The following MSRA variants were observed in gnomAD, a reference collection of about 807,000 sequenced individuals.
The protein encoded by MSRA is mitochondrial peptide methionine sulfoxide reductase.
MSRA carries 54 observed loss-of-function variants against 31.3 expected under a neutral mutation model. The ratio of observed to expected loss-of-function variants is 1.73; its 90% CI spans 1.39 to 2.17. MSRA has a LOEUF of 2.17. MSRA is among the 30% of genes most tolerant of loss of function. The pLI is 0.00. For synonymous variants in MSRA, 169 were observed against 116.5 expected (o/e 1.45, Z -2.90); for missense variants, 507 against 300.9 (o/e 1.69, Z -5.07).
intron 1 of MSRA, among the ~76,000 whole-genome samples, chr8:10,087,939 A>G (rs1798652130): frequency 6.6e-6 from 1 of 152,214 alleles, no homozygotes; most frequent in African/African-American, 2.4e-5. Flanking sequence ...GTGCAAAAGT[A>G]ATTGCGGTTT....
chr8:10,063,271 GT>G (rs1333718470), intron 1 of MSRA, among the ~76,000 whole-genome samples: 1 of 152,048 alleles, frequency 6.6e-6, no homozygotes, highest in Non-Finnish European at 1.5e-5. Context: ...TTCTTCATTG[GT>G]CTCTGATCTG....
chr8:10,105,155 C>T (rs1483144220), intron 1 of MSRA, among the ~76,000 whole-genome samples: 1 of 152,104 alleles, frequency 6.6e-6, no homozygotes, highest in Non-Finnish European at 1.5e-5. Flanking sequence ...ATCATATTAA[C>T]TAATCCTTTG....
chr8:10,252,530 G>C (rs1052083993), intron 3 of MSRA, among the ~76,000 whole-genome samples: 14 of 152,196 alleles, frequency 9.2e-5, no homozygotes, highest in Admixed American at 8.5e-4. Context: ...TGACAGTAAA[G>C]AGCGCCTGCA....
chr8:10,330,881 C>G (rs1475684571), intron 5 of MSRA, among the ~76,000 whole-genome samples: 1 of 152,170 alleles, frequency 6.6e-6, no homozygotes, highest in Admixed American at 6.5e-5. Flanking sequence ...CCCCCAAATT[C>G]ATATGTTGAA....
intron 5 of MSRA, among the ~76,000 whole-genome samples, chr8:10,391,908 C>G (rs1389897686): frequency 6.6e-6 from 1 of 150,568 alleles, no homozygotes; most frequent in African/African-American, 2.4e-5. Context: ...TGAACATTTC[C>G]TGACCTATGG....
intron 1 of MSRA, among the ~76,000 whole-genome samples, chr8:10,105,242 A>C (rs1799807071): frequency 6.6e-6 from 1 of 151,810 alleles, no homozygotes; most frequent in Non-Finnish European, 1.5e-5. Context: ...TTAACTATGG[A>C]ATATGTTTGA....
At chr8:10,073,549 T>C (rs1797845392) in intron 1 of MSRA, among the ~76,000 whole-genome samples, 1 of 115,532 alleles carries the variant, frequency 8.7e-6, no homozygotes, top group African/African-American at 2.7e-5. Context: ...TTTTGAATTG[T>C]CCTTTTTTCT....
intron 1 of MSRA, among the ~76,000 whole-genome samples, chr8:10,150,363 G>T (rs554674028): frequency 1.3e-5 from 2 of 152,092 alleles, no homozygotes; most frequent in African/African-American, 4.8e-5. Flanking sequence ...TGTGCACTTC[G>T]ATGATAATTA....
Position 10,283,820 on chromosome 8 carries a change from TATATATATATATATATACACAC to T in MSRA, c.332-17712_332-17691del, listed in dbSNP as rs377287859. 5.5e-3 allele frequency among the ~76,000 whole-genome samples: 388 copies of T among 71,124 alleles called. 6 individuals are homozygous for T. The highest frequency in any genetic ancestry group is 0.018 in the African/African-American group (366 of 20,128). 46.7% of individuals were successfully genotyped at this position (71,124 alleles called of 152,430 possible). ...TCTATCTCATATATATATATATATA[TATATATATATATATATACACAC>T]ACACACACACACACACACACACACA... On this transcript the variant is annotated intron_variant, in intron 3 of 5. Coordinates refer to ENST00000317173, the MANE Select transcript of MSRA (RefSeq NM_012331.5).
chr8:10,150,215 C>A (rs949579782), intron 1 of MSRA, among the ~76,000 whole-genome samples: 1 of 152,062 alleles, frequency 6.6e-6, no homozygotes, highest in Non-Finnish European at 1.5e-5. Context: ...ATATTCTCGG[C>A]TCTTTTCAAA....
chr8:10,391,103 GACTT>G (rs1806716721), intron 5 of MSRA, among the ~76,000 whole-genome samples: 1 of 152,130 alleles, frequency 6.6e-6, no homozygotes, highest in African/African-American at 2.4e-5. Flanking sequence ...ATATTTCCCA[GACTT>G]ACTTGTCAAT....
At chr8:10,170,838 A>G (rs1032485083) in intron 1 of MSRA, among the ~76,000 whole-genome samples, 2 of 152,230 alleles carry the variant, frequency 1.3e-5, no homozygotes, top group Non-Finnish European at 2.9e-5. Context: ...AATCAGCCCA[A>G]GTTGGCTAAG....
intron 3 of MSRA, among the ~76,000 whole-genome samples, chr8:10,296,716 C>T (rs1053265175): frequency 1.3e-5 from 2 of 152,090 alleles, no homozygotes; most frequent in South Asian, 2.1e-4. Flanking sequence ...AGATAAAGGC[C>T]CCCCCAGCAT....
chr8:10,412,291 A>T (rs1372538442), intron 5 of MSRA, among the ~76,000 whole-genome samples: 5 of 152,188 alleles, frequency 3.3e-5, no homozygotes, highest in Non-Finnish European at 5.9e-5. Flanking sequence ...CGTTTCTTTA[A>T]ATTAAAAGTT....
intron 5 of MSRA, among the ~76,000 whole-genome samples, chr8:10,390,720 G>T (rs1806688127): frequency 6.6e-6 from 1 of 152,142 alleles, no homozygotes; most frequent in Non-Finnish European, 1.5e-5. Flanking sequence ...TAACCCTGAT[G>T]AGGGGATGGG....
chr8:10,411,449 C>G (rs1363808388), intron 5 of MSRA: 1 of 152,098 alleles, frequency 6.6e-6, no homozygotes, highest in African/African-American at 2.4e-5. Context: ...GCTCATATAG[C>G]CCTTATTTTA....
chr8:10,054,727 GCGCCCGCTGCC>G (rs1213763669), intron 1 of MSRA, 69 bp downstream of exon 1: 26 of 1,390,922 alleles, frequency 1.9e-5, no homozygotes, highest in Non-Finnish European at 2.4e-5. Context: ...CGGCGGCAGC[GCGCCCGCTGCC>G]CGGAAGGAAG....
rs1198665886 is a variant in MSRA, at chr8:10,213,432, C to CTTT, written c.211+5553_211+5555dup. 6.5e-3 allele frequency among the ~76,000 whole-genome samples: 501 copies of CTTT among 76,732 alleles called. 6 individuals are homozygous for CTTT. Among genetic ancestry groups the CTTT allele is most frequent in the East Asian group, 0.013 (28 of 2,222 alleles). The allele number at this position is 76,732 out of a possible 152,430, so 50.3% of individuals were successfully genotyped here. On this transcript the variant is annotated intron_variant, in intron 2 of 5. Coordinates refer to ENST00000317173, the MANE Select transcript of MSRA (RefSeq NM_012331.5). ...CCATTGTGTACATGTACCACACTTTCTTTTTTTTTTTTTTTTTTTTTTTTG... is the reference window on the plus strand; with the variant it reads ...CCATTGTGTACATGTACCACACTTTCTTTTTTTTTTTTTTTTTTTTTTTTTTTG...
intron 3 of MSRA, among the ~76,000 whole-genome samples, chr8:10,253,457 A>G (rs933421698): frequency 2.0e-5 from 3 of 152,224 alleles, no homozygotes; most frequent in African/African-American, 7.2e-5. Context: ...AAATGTGTCA[A>G]TATTTCAGCA....
Sources: allele counts gnomAD v4.1 joint callset (sites outside exome capture counted in the v4.1 genomes callset), GRCh38; gene constraint gnomAD v4.1.1; transcripts MANE v1.5; gene names NCBI Gene and HGNC (gene_info 2026-07-23, HGNC 2026-07-21).